The following ZNF140 variants were observed in gnomAD, a reference collection of about 807,000 sequenced individuals.
ZNF140 encodes the protein zinc finger protein 140, also known as zinc finger protein 140 (clone pHZ-39).
Under a neutral mutation model 12.9 loss-of-function variants are expected in ZNF140, and 13 were observed. The observed-to-expected ratio is 1.01, with a 90% CI of 0.66 to 1.60. The LOEUF is 1.60. Among genes scored for constraint, ZNF140 ranks in the 40% most tolerant of loss-of-function variants. ZNF140 has a pLI of 0.00. For missense variants in ZNF140, 531 were observed against 548.8 expected, an observed-to-expected ratio of 0.97 and a Z score of 0.32; for synonymous variants, 214 against 186.7, an observed-to-expected ratio of 1.15 and a Z score of -1.19.
Position 133,106,402 on chromosome 12 carries a change from T to C in ZNF140, c.1125T>C (p.His375=). Reference sequence around the variant, plus strand: ...CTTGGCATGCATCCCTTATTCAACATACGAAGAGTCACACTGGAGAGAAAC... The same window carrying C: ...CTTGGCATGCATCCCTTATTCAACACACGAAGAGTCACACTGGAGAGAAAC... ...VFTWHASLIQ[H]TKSHTGEKPY... Residue 375 remains histidine (H), a synonymous_variant, in exon 5 of 5, where the codon CAT becomes CAC. Transcript: ENST00000355557. 6.2e-7 allele frequency: 1 copy of C among 1,614,126 alleles called. No homozygotes were observed. Among genetic ancestry groups the C allele is most frequent in the Non-Finnish European group, 8.5e-7 (1 of 1,180,004 alleles).
chr12:133,092,038 T>C (rs1222047073), intron 4 of ZNF140, among the ~76,000 whole-genome samples: 1 of 151,168 alleles, frequency 6.6e-6, no homozygotes, highest in African/African-American at 2.5e-5. Flanking sequence ...TTGCTAATTT[T>C]TGATCTATTT....
intron 4 of ZNF140, chr12:133,101,170 GGTGTTCTCTGT>G: frequency 4.1e-6 from 1 of 242,070 alleles, no homozygotes; most frequent in Non-Finnish European, 8.5e-6. Flanking sequence ...TACCTTGCTT[GGTGTTCTCTGT>G]GTTTCCTCCA....
chr12:133,093,954 C>T (rs1954983593), intron 4 of ZNF140, among the ~76,000 whole-genome samples: 4 of 151,114 alleles, frequency 2.6e-5, no homozygotes, highest in Non-Finnish European at 1.5e-5. Context: ...CTGTTATCCC[C>T]TGTGTCCTCT....
intron 4 of ZNF140, among the ~76,000 whole-genome samples, chr12:133,088,347 A>G (rs1954749578): frequency 1.3e-5 from 2 of 152,240 alleles, no homozygotes; most frequent in Admixed American, 6.5e-5. Flanking sequence ...AGAATGTCAG[A>G]GAGTTGGAAT....
intron 4 of ZNF140, among the ~76,000 whole-genome samples, chr12:133,085,626 T>C (rs1413748157): frequency 6.6e-6 from 1 of 152,220 alleles, no homozygotes; most frequent in Non-Finnish European, 1.5e-5. Flanking sequence ...ATCAGCTCTT[T>C]GCATTTGTGT....
intron 4 of ZNF140, among the ~76,000 whole-genome samples, chr12:133,092,003 GT>G (rs1487481454): frequency 4.0e-5 from 6 of 151,112 alleles, no homozygotes; most frequent in African/African-American, 1.5e-4. Flanking sequence ...CCAAATGACA[GT>G]TTGTCTAAGA....
chr12:133,081,179 G>T, intron 1 of ZNF140, 94 bp from the exon 2 acceptor site: 1 of 404,534 alleles, frequency 2.5e-6, no homozygotes, highest in Non-Finnish European at 4.7e-6. Flanking sequence ...GAGGCGCGGA[G>T]CGGGGGCCAC....
Position 133,105,721 on chromosome 12 carries a change from G to A in ZNF140, c.444G>A (p.Leu148=). 1 of 1,614,152 alleles carries A rather than the reference G, an allele frequency of 6.2e-7. No individual in the cohort carries two copies. Among genetic ancestry groups the A allele is most frequent in the East Asian group, 2.2e-5 (1 of 44,874 alleles). The change falls in exon 5 of 5, where the codon CTG becomes CTA. Residue 148 remains leucine (L), a synonymous_variant. Coordinates refer to ENST00000355557, the MANE Select transcript of ZNF140 (RefSeq NM_003440.4). ...TAACAGTCTCTCATCAAGAAGCCCT[G>A]GCTCAACATATGAATATCAGTACTG... ...RKVTVSHQEA[L]AQHMNISTVE...
intron 4 of ZNF140, chr12:133,084,030 A>G: frequency 3.0e-6 from 1 of 331,090 alleles, no homozygotes; most frequent in Middle Eastern, 4.6e-4. Flanking sequence ...ACACTACTTC[A>G]TACCCAATTC....
chr12:133,091,126 G>A (rs781493065), intron 4 of ZNF140, among the ~76,000 whole-genome samples: 7 of 149,744 alleles, frequency 4.7e-5, no homozygotes, highest in Non-Finnish European at 7.4e-5. Context: ...GTGTCGGGCT[G>A]GGGGACGGTC....
Position 133,106,746 on chromosome 12 carries a change from T to C in ZNF140, c.*95T>C. ...AGAACTCTTGGAAAGAAGCCTTATG[T>C]GAAAGTGATGACTGTGAAGTAATAT... On this transcript the variant is annotated 3_prime_UTR_variant, in exon 5 of 5. Transcript: ENST00000355557. 8.7e-7 allele frequency: 1 copy of C among 1,152,140 alleles called. No homozygotes were observed. Among genetic ancestry groups the C allele is most frequent in the East Asian group, 2.5e-5 (1 of 39,948 alleles). The allele number at this position is 1,152,140 out of a possible 1,614,324, so 71.4% of individuals were successfully genotyped here.
chr12:133,103,133 A>C (rs1955420312), intron 4 of ZNF140, among the ~76,000 whole-genome samples: 1 of 152,218 alleles, frequency 6.6e-6, no homozygotes, highest in Admixed American at 6.5e-5. Context: ...CAAATCCATT[A>C]TCTCAAATGT....
At chr12:133,083,831 G>T (rs1954582978) in intron 4 of ZNF140, among the ~76,000 whole-genome samples, 1 of 151,962 alleles carries the variant, frequency 6.6e-6, no homozygotes, top group Non-Finnish European at 1.5e-5. Context: ...TTGGTGGCGG[G>T]TGCCTGTAGT....
Position 133,091,278 on chromosome 12 carries a change from G to A in ZNF140, c.232+7717G>A, listed in dbSNP as rs962789335. On this transcript the variant is annotated intron_variant, in intron 4 of 4. Transcript: ENST00000355557. Reference sequence around the variant, plus strand: ...TGGTTTATTGAGACTAGAGAATGGCGATGACTTTTACCAAGTATACTGCTT... The same window carrying A: ...TGGTTTATTGAGACTAGAGAATGGCAATGACTTTTACCAAGTATACTGCTT... Among the ~76,000 whole-genome samples, 193 of 150,910 alleles carry A rather than the reference G, an allele frequency of 1.3e-3. 12 individuals are homozygous for A. Among genetic ancestry groups the A allele is most frequent in the African/African-American group, 4.3e-3 (176 of 40,730 alleles).
At chr12:133,086,320 A>G (rs1954675427) in intron 4 of ZNF140, among the ~76,000 whole-genome samples, 2 of 152,218 alleles carry the variant, frequency 1.3e-5, no homozygotes, top group Non-Finnish European at 2.9e-5. Context: ...CCGCAAACCC[A>G]ATAAGTGAAT....
Position 133,105,626 on chromosome 12 carries a change from T to A in ZNF140, c.349T>A (p.Phe117Ile). The A allele has an allele frequency of 6.2e-7, 1 of 1,614,150 alleles. No individual in the cohort carries two copies. The highest frequency in any genetic ancestry group is 8.5e-7 in the Non-Finnish European group (1 of 1,180,036). The part of the protein sequence containing the change: ...ILSQGPVYSS[F>I]KGGWKCKDHT... Reference sequence around the variant, plus strand: ...AAGTCAAGGCCCTGTGTATTCCAGTTTTAAAGGAGGCTGGAAATGCAAGGA... The same window carrying A: ...AAGTCAAGGCCCTGTGTATTCCAGTATTAAAGGAGGCTGGAAATGCAAGGA... The change falls in exon 5 of 5, where the codon TTT (phenylalanine) becomes ATT (isoleucine). Residue 117 changes from phenylalanine to isoleucine, a missense_variant. Transcript: ENST00000355557.
At chr12:133,081,241 G>T (rs1366144707) in intron 1 of ZNF140, 32 bp from the exon 2 acceptor site, 24 of 1,297,886 alleles carry the variant, frequency 1.8e-5, no homozygotes, top group Non-Finnish European at 2.5e-5. Flanking sequence ...TAGCTGGCCT[G>T]TTCGCTCAGG....
intron 4 of ZNF140, among the ~76,000 whole-genome samples, chr12:133,095,849 A>G (rs1955080991): frequency 2.0e-5 from 3 of 152,038 alleles, no homozygotes; most frequent in South Asian, 2.1e-4. Flanking sequence ...AAAGAATAAC[A>G]AGGCAGCATT....
chr12:133,080,701 G>A (rs1954438475), upstream of ZNF140: 2 of 152,422 alleles, frequency 1.3e-5, no homozygotes, highest in African/African-American at 4.8e-5. Flanking sequence ...AATTGTAGTT[G>A]TCGCAGGCCC....
Sources: gnomAD v4.1 joint callset for allele counts (sites outside exome capture counted in the v4.1 genomes callset) on GRCh38, gnomAD v4.1.1 for gene constraint, MANE v1.5 for transcripts, NCBI Gene and HGNC (gene_info 2026-07-23, HGNC 2026-07-21) for gene names.